The following NR3C1 variants were observed in gnomAD, a reference collection of about 807,000 sequenced individuals.
NR3C1 encodes the protein glucocorticoid receptor.
A neutral mutation model predicts 74.0 loss-of-function variants in NR3C1; 14 were observed. The ratio of observed to expected loss-of-function variants is 0.19; its 90% confidence interval spans 0.12 to 0.30. The LOEUF (loss-of-function observed/expected upper bound fraction) is 0.30. Ranked by LOEUF, NR3C1 falls within the 10% of genes least tolerant of loss-of-function variation. The probability of loss-of-function intolerance (pLI) is 1.00; values close to 1 mark genes in which losing one functional copy is unlikely to be tolerated. For synonymous variants in NR3C1, 308 were observed against 332.5 expected (o/e 0.93, Z 0.80); for missense variants, 695 against 909.8 (o/e 0.76, Z 3.04).
At chr5:143,396,810 T>A (rs904954733) in intron 2 of NR3C1, among the ~76,000 whole-genome samples, 1 of 151,716 alleles carries the variant, frequency 6.6e-6, no homozygotes, top group African/African-American at 2.4e-5. Context: ...TTCAACATAA[T>A]CCCAATAAAA....
chr5:143,281,389 T>A lies in NR3C1; in HGVS notation c.*500A>T, dbSNP rs1249916521. The A allele has an allele frequency of 3.1e-5, 5 of 159,522 alleles. No homozygotes were observed. Among genetic ancestry groups the A allele is most frequent in the African/African-American group, 1.2e-4 (5 of 41,472 alleles). The allele number at this position is 159,522 out of a possible 1,614,324, so 9.9% of individuals were successfully genotyped here. The stretch of plus-strand genomic sequence containing the variant: ...TGTTAAAACCAGACAGTAATAGCTA[T>A]AAAAGGCACAACTTCCCTTTTCTGA... On this transcript the variant is annotated 3_prime_UTR_variant, in exon 9 of 9. Transcript: ENST00000394464.
At chr5:143,432,959 G>A (rs1751907284) in intron 1 of NR3C1, among the ~76,000 whole-genome samples, 1 of 152,154 alleles carries the variant, frequency 6.6e-6, no homozygotes, top group Admixed American at 6.6e-5. Context: ...TGGCAGAAAA[G>A]TGATCTGATA....
chr5:143,394,034 C>T (rs1263098345), intron 2 of NR3C1, among the ~76,000 whole-genome samples: 1 of 151,692 alleles, frequency 6.6e-6, no homozygotes, highest in Non-Finnish European at 1.5e-5. Flanking sequence ...ACTTTTTTCC[C>T]CTTATATATA....
chr5:143,405,798 C>G (rs1841077915), upstream of NR3C1, among the ~76,000 whole-genome samples: 1 of 152,194 alleles, frequency 6.6e-6, no homozygotes, highest in Admixed American at 6.5e-5. Context: ...GACTCCGCTT[C>G]TCCTGTCCCT....
intron 2 of NR3C1, among the ~76,000 whole-genome samples, chr5:143,382,262 T>G (rs556729840): frequency 5.5e-4 from 83 of 152,250 alleles, no homozygotes; most frequent in African/African-American, 1.9e-3. Context: ...ATGCTTGCAT[T>G]AAAACATGAC....
intron 1 of NR3C1, among the ~76,000 whole-genome samples, chr5:143,429,332 C>T (rs1321041330): frequency 6.6e-6 from 1 of 152,180 alleles, no homozygotes; most frequent in Admixed American, 6.5e-5. Context: ...TTAATTTTAA[C>T]TACAAAATCT....
chr5:143,293,530 A>T (rs927279663), intron 7 of NR3C1, among the ~76,000 whole-genome samples: 8 of 152,206 alleles, frequency 5.3e-5, no homozygotes, highest in African/African-American at 9.7e-5. Context: ...AAATCATTTT[A>T]AAAAAGATTA....
At chr5:143,339,240 T>TA (rs139905104) in intron 2 of NR3C1, among the ~76,000 whole-genome samples, 11 of 151,276 alleles carry the variant, frequency 7.3e-5, no homozygotes, top group East Asian at 3.9e-4. Context: ...TGTTTCACAG[T>TA]AAAAAAAAAT....
intron 2 of NR3C1, among the ~76,000 whole-genome samples, chr5:143,391,666 G>T (rs919919179): frequency 5.3e-5 from 8 of 152,090 alleles, no homozygotes; most frequent in Admixed American, 3.9e-4. Context: ...TGAAAACTTT[G>T]TCGAAGGCGC....
chr5:143,351,155 A>T (rs909400889), intron 2 of NR3C1, among the ~76,000 whole-genome samples: 10 of 152,194 alleles, frequency 6.6e-5, no homozygotes, highest in Non-Finnish European at 1.3e-4. Context: ...TCTCTCTTCG[A>T]GAACTGTCTC....
At chr5:143,340,874 T>C (rs1213207717) in intron 2 of NR3C1, among the ~76,000 whole-genome samples, 3 of 152,296 alleles carry the variant, frequency 2.0e-5, no homozygotes, top group Middle Eastern at 3.4e-3. Context: ...GTTCGTTAAA[T>C]AGGTAAACAC....
chr5:143,405,301 T>C, upstream of NR3C1: 1 of 985,720 alleles, frequency 1.0e-6, no homozygotes, highest in Non-Finnish European at 1.2e-6. Context: ...CACCTAATCC[T>C]GCTCGGGCGC....
chr5:143,330,375 T>C (rs965557673), intron 2 of NR3C1, among the ~76,000 whole-genome samples: 8 of 152,222 alleles, frequency 5.3e-5, no homozygotes, highest in Non-Finnish European at 1.2e-4. Flanking sequence ...TAAACATTTA[T>C]AAGCAAAATA....
intron 2 of NR3C1, among the ~76,000 whole-genome samples, chr5:143,364,054 A>G (rs550662891): frequency 6.6e-6 from 1 of 152,336 alleles, no homozygotes; most frequent in African/African-American, 2.4e-5. Context: ...ACAAACTCCA[A>G]GTAGAACAGA....
intron 7 of NR3C1, 46 bp from the exon 8 acceptor site, chr5:143,282,771 T>C: frequency 1.3e-6 from 2 of 1,582,362 alleles, no homozygotes; most frequent in Non-Finnish European, 1.7e-6. Flanking sequence ...CTTTTTCTTT[T>C]CTTTTCTTTT....
chr5:143,325,607 A>C (rs1824414886), intron 2 of NR3C1, among the ~76,000 whole-genome samples: 1 of 152,182 alleles, frequency 6.6e-6, no homozygotes, highest in Admixed American at 6.5e-5. Flanking sequence ...ATATTGTTAC[A>C]ATTGTTTTAT....
At chr5:143,418,964 T>A (rs1257693566) in intron 1 of NR3C1, among the ~76,000 whole-genome samples, 4 of 152,174 alleles carry the variant, frequency 2.6e-5, no homozygotes, top group African/African-American at 9.7e-5. Context: ...TTTGCTAATT[T>A]TAGTGCAGTA....
intron 2 of NR3C1, among the ~76,000 whole-genome samples, chr5:143,373,308 C>T (rs1168139688): frequency 2.0e-5 from 3 of 152,186 alleles, no homozygotes; most frequent in Non-Finnish European, 2.9e-5. Context: ...TGGAAACAAT[C>T]CAAGTGTCCA....
intron 2 of NR3C1, among the ~76,000 whole-genome samples, chr5:143,396,587 G>A (rs1376382338): frequency 6.6e-6 from 1 of 151,696 alleles, no homozygotes; most frequent in Non-Finnish European, 1.5e-5. Context: ...ATTTGTACAG[G>A]TCTTCAATTT....
Sources: allele counts gnomAD v4.1 joint callset (sites outside exome capture counted in the v4.1 genomes callset), GRCh38; gene constraint gnomAD v4.1.1; transcripts MANE v1.5; gene names NCBI Gene and HGNC (gene_info 2026-07-23, HGNC 2026-07-21).